PCDHGA7: variants seen among roughly 807,000 people sequenced by gnomAD.
PCDHGA7 encodes protocadherin gamma subfamily A, 7, also known as protocadherin gamma-A7.
In PCDHGA7, 44 loss-of-function variants were observed where a neutral mutation model predicts 58.3. That is an observed-to-expected ratio of 0.75 (90% CI 0.59 to 0.97). The LOEUF (loss-of-function observed/expected upper bound fraction) is 0.97, where lower values mean the gene tolerates loss of function less well. PCDHGA7 is among the 50% of genes least tolerant of loss of function. PCDHGA7 has a pLI of 0.00. For missense variants in PCDHGA7, 1,266 were observed against 1,188.7 expected, an observed-to-expected ratio of 1.06 and a Z score of -0.96; for synonymous variants, 516 against 504.2, an observed-to-expected ratio of 1.02 and a Z score of -0.31.
intron 1 of PCDHGA7, chr5:141,426,390 C>T (rs1211244710): frequency 7.9e-6 from 2 of 252,180 alleles, no homozygotes; most frequent in African/African-American, 4.4e-5. Flanking sequence ...AGATCCGCTA[C>T]TCTATTCCAG....
intron 1 of PCDHGA7, chr5:141,403,578 A>G: frequency 6.2e-7 from 1 of 1,613,850 alleles, no homozygotes. Context: ...ACTGCCCACC[A>G]CCTGGTCCTC....
Position 141,485,752 on chromosome 5 carries a change from G to A in PCDHGA7, c.2425-9055G>A. 1 of 1,614,232 alleles carries A rather than the reference G, an allele frequency of 6.2e-7. No individual in the cohort carries two copies. Among genetic ancestry groups the A allele is most frequent in the Middle Eastern group, 1.6e-4 (1 of 6,062 alleles). ...GCAGCGACGGCAGCCTGGTCCCAGA[G>A]CTGCTCCTGGAGAAGCCTTTGGATC... On this transcript the variant is annotated intron_variant, in intron 1 of 3. Coordinates refer to ENST00000518325, the MANE Select transcript of PCDHGA7 (RefSeq NM_018920.4). This position sits in a 1 kb window ranked among gnomAD's most constrained non-coding sequence, Gnocchi z 5.7.
At position 141,476,580 on chromosome 5, in the gene PCDHGA7, C is replaced by T. The variant is rs1463314107; in HGVS notation, c.2425-18227C>T. 6 of 1,614,126 alleles carry T rather than the reference C, an allele frequency of 3.7e-6. No homozygotes were observed. Among genetic ancestry groups the T allele is most frequent in the Non-Finnish European group, 5.1e-6 (6 of 1,180,052 alleles). The stretch of plus-strand genomic sequence containing the variant: ...GCCGTGGCTCCGGGGACGCGCTTTC[C>T]GCTCGAGAGCGCGCACGATCCCGAT... On this transcript the variant is annotated intron_variant, in intron 1 of 3. Transcript: ENST00000518325. This position sits in a 1 kb window ranked among gnomAD's most constrained non-coding sequence, Gnocchi z 7.6.
rs762908598 is a variant in PCDHGA7 at position 141,491,157 on chromosome 5, T to A, written c.2425-3650T>A. The A allele has an allele frequency of 3.7e-6, 6 of 1,614,108 alleles. No homozygotes were observed. The Admixed American group carries it at 8.3e-5, about 22-fold the overall frequency. On this transcript the variant is annotated intron_variant, in intron 1 of 3. Transcript: ENST00000518325. The surrounding 1 kb of genome is among the most constrained non-coding windows in gnomAD (Gnocchi z 6.9). ...CCCGGGCCTTACTGGAGGATGACTC[T>A]GACACCCAGCAGGTGGTGGTCCTGG...
rs376101780 is a variant in PCDHGA7, at chr5:141,485,901, A to G, written c.2425-8906A>G. 3 of 1,614,026 alleles carry G rather than the reference A, an allele frequency of 1.9e-6. No homozygotes were observed. In the African/African-American group the frequency reaches 4.0e-5, roughly 22 times the overall value. Reference sequence around the variant, plus strand: ...GTAAACGACAACGCCCCAGCCTTCCAGCAATCCAGCTACAGGATTAGTGTG... The same window carrying G: ...GTAAACGACAACGCCCCAGCCTTCCGGCAATCCAGCTACAGGATTAGTGTG... On this transcript the variant is annotated intron_variant, in intron 1 of 3. Coordinates refer to ENST00000518325, the MANE Select transcript of PCDHGA7 (RefSeq NM_018920.4). This position sits in a 1 kb window ranked among gnomAD's most constrained non-coding sequence, Gnocchi z 5.7.
Position 141,511,464 on chromosome 5 carries a change from C to G in PCDHGA7, c.*291C>G. 1.9e-6 allele frequency: 1 copy of G among 538,254 alleles called. No individual in the cohort carries two copies. The highest frequency in any genetic ancestry group is 2.1e-5 in the South Asian group (1 of 47,028). The allele number at this position is 538,254 out of a possible 1,614,324, so 33.3% of individuals were successfully genotyped here. On this transcript the variant is annotated 3_prime_UTR_variant, in exon 4 of 4. Transcript: ENST00000518325. ...ACACCAAGAACCATTTGCCACACCC[C>G]GTTTAGTTACAGCTGAACTCCTCCA...
rs886257445 is a variant in PCDHGA7, at chr5:141,384,249, C to T, written c.1350C>T (p.Pro450=). The T allele has an allele frequency of 1.2e-5, 20 of 1,613,790 alleles. No homozygotes were observed. The highest frequency in any genetic ancestry group is 1.7e-5 in the Admixed American group (1 of 60,008). Residue 450 remains proline, a synonymous_variant, in exon 1 of 4, where the codon CCC becomes CCT. Coordinates refer to ENST00000518325, the MANE Select transcript of PCDHGA7 (RefSeq NM_018920.4). ...MQVADTNDNP[P]TFPHSSYSVY... ...TGGCAGACACCAACGATAACCCACC[C>T]ACCTTCCCCCACTCATCCTACTCAG...
intron 1 of PCDHGA7, among the ~76,000 whole-genome samples, chr5:141,483,203 A>T (rs940487337): frequency 1.3e-5 from 2 of 152,204 alleles, no homozygotes; most frequent in African/African-American, 2.4e-5. Flanking sequence ...ATTTTATTCC[A>T]TATAGATGAC....
chr5:141,409,295 G>A, intron 1 of PCDHGA7: 1 of 1,613,992 alleles, frequency 6.2e-7, no homozygotes, highest in Non-Finnish European at 8.5e-7. Context: ...TCCAGGAATG[G>A]TTGTTGCCCT....
Position 141,485,046 on chromosome 5 carries a change from G to A in PCDHGA7, c.2425-9761G>A. On this transcript the variant is annotated intron_variant, in intron 1 of 3. Transcript: ENST00000518325. This position sits in a 1 kb window ranked among gnomAD's most constrained non-coding sequence, Gnocchi z 5.7. ...AAAAACGGCGCGTAACCCTTGCGGCGCCGGCCGAACCGCGCCAGAGCTGGC... is the reference window on the plus strand; with the variant it reads ...AAAAACGGCGCGTAACCCTTGCGGCACCGGCCGAACCGCGCCAGAGCTGGC... 2 of 750,304 alleles carry A rather than the reference G, an allele frequency of 2.7e-6. No individual in the cohort carries two copies. The highest frequency in any genetic ancestry group is 4.5e-6 in the Non-Finnish European group (2 of 443,046). The allele number at this position is 750,304 out of a possible 1,614,324, so 46.5% of individuals were successfully genotyped here. A position where few individuals can be genotyped will look rare whatever the true frequency, so the allele number is the denominator to read the frequency against.
At chr5:141,392,825 A>T in intron 1 of PCDHGA7, 1 of 1,601,466 alleles carries the variant, frequency 6.2e-7, no homozygotes. Context: ...TGGCCGCTCC[A>T]CAGAGTCGCC....
At chr5:141,416,093 C>T (rs1241017265) in intron 1 of PCDHGA7, 1 of 162,720 alleles carries the variant, frequency 6.1e-6, no homozygotes, top group Admixed American at 6.4e-5. Flanking sequence ...AGGAGAAGGG[C>T]AATAGGCCTT....
In PCDHGA7 at chr5:141,450,032, G is replaced by A. The variant is rs146567243; in HGVS notation, c.2425-44775G>A. Among the ~76,000 whole-genome samples the A allele has an allele frequency of 4.6e-3, 607 of 131,666 alleles. 4 individuals are homozygous for A. The highest frequency in any genetic ancestry group is 0.017 in the African/African-American group (550 of 33,158). The allele number at this position is 131,666 out of a possible 152,430, so 86.4% of individuals were successfully genotyped here. A position where few individuals can be genotyped will look rare whatever the true frequency, so the allele number is the denominator to read the frequency against. On this transcript the variant is annotated intron_variant, in intron 1 of 3. Transcript: ENST00000518325. ...TTTTTTTTTTTTTTTTTTGAGACAG[G>A]GTCTCACTCTTTCGCCCAGGCTGGA... is the stretch of plus-strand genomic sequence containing the variant.
chr5:141,395,646 C>T (rs1174950813), intron 1 of PCDHGA7: 2 of 167,832 alleles, frequency 1.2e-5, no homozygotes, highest in Non-Finnish European at 2.5e-5. Flanking sequence ...TTGTTATTAG[C>T]TTAGCAAAAG....
In PCDHGA7 at chr5:141,432,112, C is replaced by T; in HGVS notation, c.2424+46789C>T. ...CAGACACCAACGACAACCCGCCGGT[C>T]TTCCCTCAGGCCTCCTATTCCGCTT... On this transcript the variant is annotated intron_variant, in intron 1 of 3. Transcript: ENST00000518325. The surrounding 1 kb of genome is among the most constrained non-coding windows in gnomAD (Gnocchi z 6.0). 1 of 1,614,186 alleles carries T rather than the reference C, an allele frequency of 6.2e-7. No individual in the cohort carries two copies. The highest frequency in any genetic ancestry group is 8.5e-7 in the Non-Finnish European group (1 of 1,180,042).
At chr5:141,390,646 C>G (rs2092199925) in intron 1 of PCDHGA7, 1 of 218,218 alleles carries the variant, frequency 4.6e-6, no homozygotes, top group Non-Finnish European at 9.0e-6. Flanking sequence ...CTTTTTTCAG[C>G]TTGGATATAC....
Position 141,477,966 on chromosome 5 carries a change from G to A in PCDHGA7, c.2425-16841G>A, listed in dbSNP as rs2099426792. 6.2e-7 allele frequency: 1 copy of A among 1,614,118 alleles called. No individual in the cohort carries two copies. The highest frequency in any genetic ancestry group is 8.5e-7 in the Non-Finnish European group (1 of 1,180,036). ...AGTCTCTTGGGATCCCCTAACCAGAGCCTTTTTGCCATAGGGCTGCACACT... is the reference window on the plus strand; with the variant it reads ...AGTCTCTTGGGATCCCCTAACCAGAACCTTTTTGCCATAGGGCTGCACACT... On this transcript the variant is annotated intron_variant, in intron 1 of 3. Transcript: ENST00000518325. This position sits in a 1 kb window ranked among gnomAD's most constrained non-coding sequence, Gnocchi z 4.9.
chr5:141,434,474 A>G (rs979175338), intron 1 of PCDHGA7, among the ~76,000 whole-genome samples: 2 of 152,222 alleles, frequency 1.3e-5, no homozygotes, highest in Non-Finnish European at 2.9e-5. Context: ...GAATGAGGGC[A>G]AGGAACACCT....
chr5:141,390,052 G>C (rs2092030783), intron 1 of PCDHGA7: 1 of 1,613,960 alleles, frequency 6.2e-7, no homozygotes, highest in Non-Finnish European at 8.5e-7. Context: ...GCCTCCTGGA[G>C]CTGCTTCCAG....
Sources: gnomAD v4.1 joint callset for allele counts (sites outside exome capture counted in the v4.1 genomes callset) on GRCh38, gnomAD v4.1.1 for gene constraint, Gnocchi (gnomAD v3.1) non-coding constraint, MANE v1.5 for transcripts, NCBI Gene and HGNC (gene_info 2026-07-23, HGNC 2026-07-21) for gene names.